Variants in ASPH observed in about 807,000 individuals in gnomAD.
ASPH encodes aspartate beta-hydroxylase.
In ASPH, 100 loss-of-function variants were observed where a neutral mutation model predicts 118.4. That is an observed-to-expected ratio of 0.84 (90% CI 0.72 to 1.00). The LOEUF (loss-of-function observed/expected upper bound fraction) is 1.00. ASPH is among the 50% of genes least tolerant of loss of function. ASPH has a pLI of 0.00. For missense variants in ASPH, 920 were observed against 919.5 expected, an observed-to-expected ratio of 1.00 and a Z score of -0.01; for synonymous variants, 315 against 325.6, an observed-to-expected ratio of 0.97 and a Z score of 0.35.
At chr8:61,644,546 C>T in intron 7 of ASPH, 54 bp downstream of exon 7, 2 of 1,332,590 alleles carry the variant, frequency 1.5e-6, no homozygotes, top group South Asian at 1.7e-5. Context: ...TTTATGATGC[C>T]CTTTTAAAGG....
At chr8:61,680,832 C>T (rs1827694665) in intron 3 of ASPH, 136 bp downstream of exon 3, 1 of 582,564 alleles carries the variant, frequency 1.7e-6, no homozygotes, top group Non-Finnish European at 2.7e-6. Context: ...AAAATTTTAA[C>T]AGTAATGAAA....
In ASPH at chr8:61,624,744, AC is replaced by A. The variant is rs146418440; in HGVS notation, c.935-5726del. 3.6e-4 allele frequency: 354 copies of A among 985,804 alleles called. 2 individuals are homozygous for A. The African/African-American group carries it at 5.8e-3, about 16-fold the overall frequency. 61.1% of individuals were successfully genotyped at this position (985,804 alleles called of 1,614,324 possible). The stretch of plus-strand genomic sequence containing the variant: ...GTTCTACAAAAATCCAGCAAAACTT[AC>A]TTTTACTCATTCATCAGTTCTATGT... On this transcript the variant is annotated intron_variant, in intron 13 of 24. Transcript: ENST00000379454.
intron 15 of ASPH, chr8:61,579,348 C>G (rs1836594644): frequency 6.2e-7 from 1 of 1,614,054 alleles, no homozygotes; most frequent in Admixed American, 1.7e-5. Flanking sequence ...GTACCAGGAG[C>G]TGATGAACGT....
At chr8:61,665,208 A>G (rs1274977640) in intron 3 of ASPH, 2 of 1,529,906 alleles carry the variant, frequency 1.3e-6, no homozygotes, top group Non-Finnish European at 1.7e-6. Context: ...AACAAACTGC[A>G]ATCTGGAACA....
chr8:61,562,631 C>A, intron 18 of ASPH, 113 bp downstream of exon 18: 1 of 1,091,532 alleles, frequency 9.2e-7, no homozygotes, highest in Non-Finnish European at 1.2e-6. Flanking sequence ...TATAATAATA[C>A]TTACATGCTT....
chr8:61,539,760 G>A (rs1821171803), intron 21 of ASPH, among the ~76,000 whole-genome samples: 1 of 139,246 alleles, frequency 7.2e-6, no homozygotes. Flanking sequence ...CTCCTGCGCT[G>A]CTTATGCCTG....
At chr8:61,558,147 T>C (rs1489044423) in intron 18 of ASPH, among the ~76,000 whole-genome samples, 2 of 152,148 alleles carry the variant, frequency 1.3e-5, no homozygotes, top group Non-Finnish European at 2.9e-5. Flanking sequence ...AAGTAGACAA[T>C]GCAAGATGGT....
chr8:61,548,264 TA>T, intron 20 of ASPH, 56 bp from the exon 21 acceptor site: 1 of 1,516,888 alleles, frequency 6.6e-7, no homozygotes. Flanking sequence ...GCATTTTTAT[TA>T]ATTTTAAAAT....
At chr8:61,572,629 C>T (rs77231616) in intron 16 of ASPH, among the ~76,000 whole-genome samples, 1,531 of 152,264 alleles carry the variant, frequency 0.01, 33 homozygotes, top group African/African-American at 0.035. Flanking sequence ...CCTTTCAGCT[C>T]CACCAACTGC....
chr8:61,590,121 T>C (rs1398284018), intron 14 of ASPH, among the ~76,000 whole-genome samples: 6 of 152,136 alleles, frequency 3.9e-5, no homozygotes, highest in South Asian at 2.1e-4. Context: ...TTTGGTGCCA[T>C]AACACATAAA....
At chr8:61,520,805 C>A (rs1484432762) in intron 22 of ASPH, among the ~76,000 whole-genome samples, 1 of 152,178 alleles carries the variant, frequency 6.6e-6, no homozygotes, top group African/African-American at 2.4e-5. Context: ...GGAGTTCTCA[C>A]AAGCACCAGG....
intron 16 of ASPH, among the ~76,000 whole-genome samples, chr8:61,575,667 G>A (rs1053188274): frequency 6.6e-5 from 10 of 152,192 alleles, no homozygotes; most frequent in African/African-American, 2.4e-4. Flanking sequence ...GTATTGTATT[G>A]TAATTATTTT....
At position 61,643,981 on chromosome 8, in the gene ASPH, C is replaced by T. The variant is rs747996627; in HGVS notation, c.673G>A (p.Asp225Asn). ...TGCTCAGACATCATCTCTTCCATAT[C>T]CTGATTACAGTCTTGTGAAACTATA... ...EETVSQDCNQ[D>N]MEEMMSEQEN... Residue 225 changes from aspartate (D) to asparagine (N), a missense_variant, in exon 8 of 25, where the codon GAT becomes AAT. Coordinates refer to ENST00000379454, the MANE Select transcript of ASPH (RefSeq NM_004318.4). 2.5e-6 allele frequency: 4 copies of T among 1,610,606 alleles called. No individual in the cohort carries two copies. The highest frequency in any genetic ancestry group is 3.4e-6 in the Non-Finnish European group (4 of 1,177,380).
intron 22 of ASPH, among the ~76,000 whole-genome samples, chr8:61,520,126 C>T (rs946478657): frequency 3.3e-5 from 5 of 152,110 alleles, no homozygotes; most frequent in African/African-American, 1.2e-4. Context: ...ATGAAGAAGG[C>T]GTCTTTGAGA....
chr8:61,686,912 C>G (rs138894089), intron 1 of ASPH, among the ~76,000 whole-genome samples: 94 of 152,148 alleles, frequency 6.2e-4, no homozygotes, highest in African/African-American at 2.2e-3. Flanking sequence ...TTTCATTCAT[C>G]CAACATTTTT....
chr8:61,713,162 G>A (rs1456807647), intron 1 of ASPH, among the ~76,000 whole-genome samples: 1 of 152,170 alleles, frequency 6.6e-6, no homozygotes. Flanking sequence ...TTAGTCCTTA[G>A]AATGTAAATT....
At chr8:61,591,619 G>A (rs1304347388) in intron 14 of ASPH, among the ~76,000 whole-genome samples, 1 of 152,136 alleles carries the variant, frequency 6.6e-6, no homozygotes, top group Non-Finnish European at 1.5e-5. Flanking sequence ...TTGCTATTAT[G>A]TTCTGAGTCA....
chr8:61,546,301 G>T (rs938893813), intron 21 of ASPH, among the ~76,000 whole-genome samples: 5 of 152,180 alleles, frequency 3.3e-5, no homozygotes, highest in African/African-American at 1.2e-4. Flanking sequence ...TGTTGTTTAA[G>T]CCAGGTTTGA....
At chr8:61,519,354 T>A (rs942409266) in intron 22 of ASPH, among the ~76,000 whole-genome samples, 1 of 152,170 alleles carries the variant, frequency 6.6e-6, no homozygotes, top group Non-Finnish European at 1.5e-5. Context: ...CATCTGCAAA[T>A]TTTTTTCAGA....
Sources: allele counts gnomAD v4.1 joint callset (sites outside exome capture counted in the v4.1 genomes callset), GRCh38; gene constraint gnomAD v4.1.1; transcripts MANE v1.5; gene names NCBI Gene and HGNC (gene_info 2026-07-23, HGNC 2026-07-21).